SMIM41: variants seen among roughly 807,000 people sequenced by gnomAD.
The protein encoded by SMIM41 is small integral membrane protein 41.
At chr12:52,084,602 A>T (rs1263733374) in intron 2 of SMIM41, 1 of 152,422 alleles carries the variant, frequency 6.6e-6, no homozygotes, top group Non-Finnish European at 1.5e-5. Context: ...CTGGGCATTT[A>T]CCTGGCAAGA....
At chr12:52,096,597 G>T (rs1467705637) in intron 2 of SMIM41, among the ~76,000 whole-genome samples, 1 of 151,392 alleles carries the variant, frequency 6.6e-6, no homozygotes, top group African/African-American at 2.4e-5. Context: ...TAATTATTAG[G>T]AGCTAATATT....
chr12:52,091,517 T>C (rs1940004230), intron 2 of SMIM41, among the ~76,000 whole-genome samples: 1 of 152,232 alleles, frequency 6.6e-6, no homozygotes, highest in South Asian at 2.1e-4. Context: ...GTTTGCATGA[T>C]AAGAGCCACT....
chr12:52,085,585 G>C (rs10467108), intron 2 of SMIM41, among the ~76,000 whole-genome samples: 30,879 of 152,142 alleles, frequency 0.2, 4,032 homozygotes, highest in East Asian at 0.45. Flanking sequence ...CAGGTTCAAA[G>C]CTATCAGGAA....
At chr12:52,083,422 C>T (rs1939846448) in intron 1 of SMIM41, among the ~76,000 whole-genome samples, 1 of 152,198 alleles carries the variant, frequency 6.6e-6, no homozygotes, top group African/African-American at 2.4e-5. Flanking sequence ...GTTTGTTCCC[C>T]GACTCCCCTC....
At chr12:52,089,609 A>T (rs969679724) in intron 2 of SMIM41, among the ~76,000 whole-genome samples, 1 of 151,808 alleles carries the variant, frequency 6.6e-6, no homozygotes, top group Non-Finnish European at 1.5e-5. Flanking sequence ...AAACAAAACA[A>T]AACAAAACAA....
chr12:52,088,982 C>T (rs959834867), intron 2 of SMIM41, among the ~76,000 whole-genome samples: 1 of 151,936 alleles, frequency 6.6e-6, no homozygotes, highest in African/African-American at 2.4e-5. Context: ...GAGTGCTAGG[C>T]TCCAACCATT....
At chr12:52,104,673 C>CCG (rs577582617) in intron 2 of SMIM41, among the ~76,000 whole-genome samples, 115 of 146,670 alleles carry the variant, frequency 7.8e-4, no homozygotes, top group African/African-American at 2.6e-3. Flanking sequence ...TGGTTATGGT[C>CCG]GGGGGGGGGC....
At chr12:52,103,181 G>A (rs1565671563) in intron 2 of SMIM41, among the ~76,000 whole-genome samples, 1 of 151,786 alleles carries the variant, frequency 6.6e-6, no homozygotes, top group Admixed American at 6.6e-5. Context: ...CAAAAAATTA[G>A]ACGAGCGTGG....
chr12:52,103,357 C>T (rs1425317819), intron 2 of SMIM41, among the ~76,000 whole-genome samples: 3 of 116,982 alleles, frequency 2.6e-5, no homozygotes, highest in African/African-American at 6.1e-5. Flanking sequence ...AAAATAAAAC[C>T]AAAAAAAAAA....
chr12:52,094,629 T>C (rs7975498), intron 2 of SMIM41: 20,686 of 152,482 alleles, frequency 0.14, 3,333 homozygotes, highest in African/African-American at 0.39. Flanking sequence ...GGCCTCCAAA[T>C]GCACTTGTGG....
At chr12:52,097,898 C>T (rs1354663694) in intron 2 of SMIM41, among the ~76,000 whole-genome samples, 7 of 151,996 alleles carry the variant, frequency 4.6e-5, no homozygotes, top group Non-Finnish European at 5.9e-5. Flanking sequence ...ACCAATACCA[C>T]AAGGGGCATC....
At chr12:52,091,893 T>C (rs2120675274) in intron 2 of SMIM41, 1 of 152,356 alleles carries the variant, frequency 6.6e-6, no homozygotes, top group South Asian at 2.1e-4. Context: ...GACTTACAGA[T>C]ATTGTCAGGC....
chr12:52,081,055 C>G lies in SMIM41; in HGVS notation c.*120+874C>G, dbSNP rs543820836. On this transcript the variant is annotated intron_variant, in intron 1 of 2. Coordinates refer to ENST00000546390, the MANE Select transcript of SMIM41 (RefSeq NM_001369216.1). The surrounding 1 kb of genome is among the most constrained non-coding windows in gnomAD (Gnocchi z 4.1). ...GCTCTGTCTGGGTGTCTCCCTCTGT[C>G]TCTCCAAGGACAGGAGCCATCTGGA... is the stretch of plus-strand genomic sequence containing the variant. Among the ~76,000 whole-genome samples the G allele has an allele frequency of 6.6e-6, 1 of 152,218 alleles. No individual in the cohort carries two copies. Among genetic ancestry groups the G allele is most frequent in the Admixed American group, 6.5e-5 (1 of 15,304 alleles).
chr12:52,088,392 C>T, intron 2 of SMIM41, among the ~76,000 whole-genome samples: 1 of 152,116 alleles, frequency 6.6e-6, no homozygotes, highest in Non-Finnish European at 1.5e-5. Flanking sequence ...GCGGGAAGCT[C>T]CTGGGGTGGG....
rs550560764 is a variant in SMIM41 at position 52,081,465 on chromosome 12, C to T, written c.*120+1284C>T. 6.6e-5 allele frequency among the ~76,000 whole-genome samples: 10 copies of T among 152,246 alleles called. No homozygotes were observed. Among genetic ancestry groups the T allele is most frequent in the South Asian group, 4.1e-4 (2 of 4,830 alleles). The stretch of plus-strand genomic sequence containing the variant: ...ATTTGGCACTAATCCTGGGCAGCGG[C>T]ACCACACTGGCCTTGCTGAGCCAGG... On this transcript the variant is annotated intron_variant, in intron 1 of 2. Coordinates refer to ENST00000546390, the MANE Select transcript of SMIM41 (RefSeq NM_001369216.1). This position sits in a 1 kb window ranked among gnomAD's most constrained non-coding sequence, Gnocchi z 4.1.
At chr12:52,104,723 C>T (rs759478810) in intron 2 of SMIM41, among the ~76,000 whole-genome samples, 7 of 152,084 alleles carry the variant, frequency 4.6e-5, no homozygotes, top group Admixed American at 6.6e-5. Context: ...TTTCCTCCCC[C>T]ACTGGTTGTC....
intron 2 of SMIM41, among the ~76,000 whole-genome samples, chr12:52,086,342 C>G (rs545660010): frequency 8.6e-5 from 13 of 150,910 alleles, no homozygotes; most frequent in Non-Finnish European, 1.6e-4. Flanking sequence ...AAGCTCCACA[C>G]AGAGGAAGAT....
At chr12:52,106,992 GT>G (rs1459336499) in intron 2 of SMIM41, among the ~76,000 whole-genome samples, 1 of 152,082 alleles carries the variant, frequency 6.6e-6, no homozygotes, top group Non-Finnish European at 1.5e-5. Context: ...GAAGAGAATG[GT>G]TTTATTACAT....
chr12:52,081,974 T>C lies in SMIM41; in HGVS notation c.*120+1793T>C, dbSNP rs1472230977. 6.6e-6 allele frequency: 1 copy of C among 152,248 alleles called. No individual in the cohort carries two copies. The highest frequency in any genetic ancestry group is 2.4e-5 in the African/African-American group (1 of 41,410). The allele number at this position is 152,248 out of a possible 1,614,324, so 9.4% of individuals were successfully genotyped here. On this transcript the variant is annotated intron_variant, in intron 1 of 2. Coordinates refer to ENST00000546390, the MANE Select transcript of SMIM41 (RefSeq NM_001369216.1). This position sits in a 1 kb window ranked among gnomAD's most constrained non-coding sequence, Gnocchi z 4.1. ...GCAAAACGCGGCCTCTCTTCATACATTTGCGAATCAGGGATGGACCCCCAA... is the reference window on the plus strand; with the variant it reads ...GCAAAACGCGGCCTCTCTTCATACACTTGCGAATCAGGGATGGACCCCCAA...
Sources: gnomAD v4.1 joint callset for allele counts (sites outside exome capture counted in the v4.1 genomes callset) on GRCh38, gnomAD v4.1.1 for gene constraint, Gnocchi (gnomAD v3.1) non-coding constraint, MANE v1.5 for transcripts, NCBI Gene and HGNC (gene_info 2026-07-23, HGNC 2026-07-21) for gene names.